PIK3R3: variants seen among roughly 807,000 people sequenced by gnomAD.
The protein encoded by PIK3R3 is phosphatidylinositol 3-kinase regulatory subunit gamma.
In PIK3R3, 64 loss-of-function variants were observed where a neutral mutation model predicts 62.9. The ratio of observed to expected loss-of-function variants is 1.02; its 90% CI spans 0.83 to 1.25. PIK3R3 has a LOEUF of 1.25. PIK3R3 is among the 50% of genes most tolerant of loss of function. The pLI, the probability that PIK3R3 is intolerant of heterozygous loss-of-function variation, is 0.00. For synonymous variants in PIK3R3, 165 were observed against 189.0 expected, an observed-to-expected ratio of 0.87 and a Z score of 1.04; for missense variants, 614 against 561.6, an observed-to-expected ratio of 1.09 and a Z score of -0.94.
At chr1:46,080,792 T>G in intron 1 of PIK3R3, 42 bp from the exon 2 acceptor site, 1 of 1,348,336 alleles carries the variant, frequency 7.4e-7, no homozygotes, top group Non-Finnish European at 1.1e-6. Flanking sequence ...GTAAATTATT[T>G]ACTGTTTTCT....
At chr1:46,085,165 T>C (rs567615808) in intron 1 of PIK3R3, among the ~76,000 whole-genome samples, 1 of 152,344 alleles carries the variant, frequency 6.6e-6, no homozygotes, top group African/African-American at 2.4e-5. Context: ...GAAATTATTA[T>C]AAAGGCAGTT....
chr1:46,153,806 A>G, the PIK3R3 span, among the ~76,000 whole-genome samples: 1 of 152,176 alleles, frequency 6.6e-6, no homozygotes, highest in Non-Finnish European at 1.5e-5. Flanking sequence ...CTTATTTACC[A>G]CACAGTGCAT....
rs756353196 is a variant in PIK3R3, at chr1:46,069,719, TG to T, written c.315-2629del. Among the ~76,000 whole-genome samples, 8 of 152,202 alleles carry T rather than the reference TG, an allele frequency of 5.3e-5. No homozygotes were observed. In the South Asian group the frequency reaches 1.0e-3, roughly 20 times the overall value. On this transcript the variant is annotated intron_variant, in intron 3 of 9. Transcript: ENST00000262741. ...TATGTTATTTGATGGTGAGCATAGC[TG>T]GACAGAAAAAGAGGTCCAAGGCCTA...
At chr1:46,075,139 G>A (rs1461311938) in intron 3 of PIK3R3, among the ~76,000 whole-genome samples, 1 of 152,162 alleles carries the variant, frequency 6.6e-6, no homozygotes. Context: ...CCTCTTATAG[G>A]TGGTAAATTA....
the PIK3R3 span, among the ~76,000 whole-genome samples, chr1:46,147,806 C>T: frequency 2.0e-5 from 3 of 151,758 alleles, no homozygotes; most frequent in African/African-American, 2.4e-5. Context: ...TTCGCTCTTC[C>T]GCACTTTTCT....
chr1:46,094,514 G>C (rs973325096), intron 1 of PIK3R3, among the ~76,000 whole-genome samples: 2 of 152,138 alleles, frequency 1.3e-5, no homozygotes, highest in African/African-American at 4.8e-5. Context: ...CTTTCTAAAA[G>C]GGAAAAAACT....
chr1:46,055,123 T>C (rs566982344), intron 7 of PIK3R3, among the ~76,000 whole-genome samples: 22 of 123,060 alleles, frequency 1.8e-4, no homozygotes, highest in Admixed American at 5.8e-4. Context: ...TTTTTTTTTT[T>C]CCCAGATGGA....
chr1:46,064,433 C>G (rs180733319), intron 5 of PIK3R3, among the ~76,000 whole-genome samples: 1 of 151,646 alleles, frequency 6.6e-6, no homozygotes, highest in Admixed American at 6.6e-5. Flanking sequence ...CCCAGCTATT[C>G]GGGAGGCTGA....
Position 46,086,551 on chromosome 1 carries a change from T to G in PIK3R3, c.107-5801A>C, listed in dbSNP as rs542157066. On this transcript the variant is annotated intron_variant, in intron 1 of 9. Transcript: ENST00000262741. Reference sequence around the variant, plus strand: ...CCTGTCTCTACTAAAAATACAAAAATTAGCTGAGAGTGGTGGCAAGCACCT... The same window carrying G: ...CCTGTCTCTACTAAAAATACAAAAAGTAGCTGAGAGTGGTGGCAAGCACCT... Among the ~76,000 whole-genome samples, 3 of 151,672 alleles carry G rather than the reference T, an allele frequency of 2.0e-5. No individual in the cohort carries two copies. The South Asian group carries it at 6.3e-4, about 32-fold the overall frequency.
At chr1:46,165,305 C>CTTT in the PIK3R3 span, among the ~76,000 whole-genome samples, 2,154 of 129,948 alleles carry the variant, frequency 0.017, 74 homozygotes, top group African/African-American at 0.053. Flanking sequence ...TCTTCTTCTT[C>CTTT]TTTTTTTTTT....
chr1:46,045,617 CTTTT>C (rs1031388121), intron 9 of PIK3R3, among the ~76,000 whole-genome samples: 13 of 21,212 alleles, frequency 6.1e-4, no homozygotes, highest in East Asian at 2.6e-3. Context: ...CAATTAAGTG[CTTTT>C]TTTTTTTTTT....
At chr1:46,166,070 G>C in the PIK3R3 span, among the ~76,000 whole-genome samples, 1 of 151,808 alleles carries the variant, frequency 6.6e-6, no homozygotes, top group Admixed American at 6.6e-5. Context: ...CACCGTGCCC[G>C]GCCTGTCCTT....
At chr1:46,089,714 C>CAAAA in intron 1 of PIK3R3, among the ~76,000 whole-genome samples, 1 of 63,226 alleles carries the variant, frequency 1.6e-5, no homozygotes, top group Non-Finnish European at 3.3e-5. Context: ...GACTCCATCT[C>CAAAA]AAAAAAAAAA....
chr1:46,101,354 G>C (rs1247898935), intron 1 of PIK3R3, among the ~76,000 whole-genome samples: 1 of 151,860 alleles, frequency 6.6e-6, no homozygotes, highest in Non-Finnish European at 1.5e-5. Flanking sequence ...AAAGTAACTG[G>C]GTGTGGTGGC....
the PIK3R3 span, among the ~76,000 whole-genome samples, chr1:46,156,444 G>A: frequency 6.9e-6 from 1 of 144,536 alleles, no homozygotes; most frequent in African/African-American, 2.6e-5. Flanking sequence ...GGGCAACAGA[G>A]TGAGACTCTG....
Position 46,131,942 on chromosome 1 carries a change from GTAT to G in PIK3R3, c.8_10del (p.Asn3del). On this transcript the variant is annotated inframe_deletion, in exon 1 of 10. Coordinates refer to ENST00000262741, the MANE Select transcript of PIK3R3 (RefSeq NM_003629.4). ...GTCATCGCGGTCCATACTCCACACC[GTAT>G]TGTACATCGCGCTGTCAGGGGCAGG... The G allele has an allele frequency of 6.2e-7, 1 of 1,613,620 alleles. No individual in the cohort carries two copies. The highest frequency in any genetic ancestry group is 8.5e-7 in the Non-Finnish European group (1 of 1,179,824).
At position 46,043,807 on chromosome 1, in the gene PIK3R3, G is replaced by A. The variant is rs139622524; in HGVS notation, c.1252C>T (p.Pro418Ser). Reference protein sequence around the residue: ...STARGYGFAEPYNLYSSLKEL... With the variant: ...STARGYGFAESYNLYSSLKEL... ...TTCAGAGAGCTGTACAGGTTGTAGG[G>A]CTCTGCAAAGCCATAGCCCCGAGCA... is the stretch of plus-strand genomic sequence containing the variant. Residue 418 changes from proline to serine, a missense_variant, in exon 10 of 10, where the codon CCC (proline) becomes TCC (serine). Pro to Ser is a moderately conservative substitution (Grantham distance 74). Transcript: ENST00000262741. 6 of 1,614,000 alleles carry A rather than the reference G, an allele frequency of 3.7e-6. No homozygotes were observed. Among genetic ancestry groups the A allele is most frequent in the Non-Finnish European group, 4.2e-6 (5 of 1,180,002 alleles).
At chr1:46,077,041 C>A (rs1001744337) in intron 3 of PIK3R3, among the ~76,000 whole-genome samples, 1 of 152,082 alleles carries the variant, frequency 6.6e-6, no homozygotes. Flanking sequence ...AATCATATAT[C>A]CATCACTTAA....
the PIK3R3 span, among the ~76,000 whole-genome samples, chr1:46,168,436 C>G: frequency 6.6e-6 from 1 of 152,276 alleles, no homozygotes; most frequent in East Asian, 1.9e-4. Context: ...TTGGAAGGGC[C>G]TGTTCCCTCT....
Sources: allele counts gnomAD v4.1 joint callset (sites outside exome capture counted in the v4.1 genomes callset), GRCh38; gene constraint gnomAD v4.1.1; transcripts MANE v1.5; gene names NCBI Gene and HGNC (gene_info 2026-07-23, HGNC 2026-07-21).